MDM2: variants seen among roughly 807,000 people sequenced by gnomAD.
MDM2 encodes the protein MDM2 proto-oncogene.
In MDM2, 11 loss-of-function variants were observed where a neutral mutation model predicts 64.3. That is an observed-to-expected ratio of 0.17 (90% CI 0.11 to 0.28). The LOEUF (loss-of-function observed/expected upper bound fraction) is 0.28. Ranked by LOEUF, MDM2 falls within the 10% of genes least tolerant of loss-of-function variation. The pLI is 1.00. For synonymous variants in MDM2, 194 were observed against 192.9 expected (o/e 1.01, Z -0.05); for missense variants, 388 against 577.1 (o/e 0.67, Z 3.36).
chr12:68,834,785 A>G (rs1049929203), intron 8 of MDM2, among the ~76,000 whole-genome samples: 2 of 152,304 alleles, frequency 1.3e-5, no homozygotes, highest in South Asian at 2.1e-4. Flanking sequence ...TAAATTAGCT[A>G]CTTAGTGGCA....
chr12:68,846,986 T>G (rs1039346589), downstream of MDM2: 5 of 151,394 alleles, frequency 3.3e-5, no homozygotes, highest in Non-Finnish European at 5.9e-5. Flanking sequence ...CCTTGAAGTT[T>G]TTTATTTGTT....
intron 5 of MDM2, 59 bp from the exon 6 acceptor site, chr12:68,824,304 T>A: frequency 8.6e-7 from 1 of 1,168,342 alleles, no homozygotes. Context: ...ATCTACTGAG[T>A]AGCGCCCCGC....
At chr12:68,833,216 T>C (rs1248020581) in intron 8 of MDM2, among the ~76,000 whole-genome samples, 1 of 129,376 alleles carries the variant, frequency 7.7e-6, no homozygotes, top group Admixed American at 8.3e-5. Flanking sequence ...ATAAATCTAT[T>C]ATATATTAAT....
chr12:68,810,474 T>A (rs954832625), intron 2 of MDM2, among the ~76,000 whole-genome samples: 16 of 152,114 alleles, frequency 1.1e-4, no homozygotes, highest in East Asian at 1.9e-4. Context: ...TATTATTATT[T>A]TTTTTGAGGC....
intron 7 of MDM2, among the ~76,000 whole-genome samples, chr12:68,825,654 AAAGAG>A (rs1034323086): frequency 2.7e-5 from 4 of 147,834 alleles, no homozygotes; most frequent in African/African-American, 8.1e-5. Flanking sequence ...TGTCTAAAAA[AAAGAG>A]AGAGAGAGAA....
intron 4 of MDM2, among the ~76,000 whole-genome samples, chr12:68,819,570 C>T (rs1381389484): frequency 6.6e-6 from 1 of 152,228 alleles, no homozygotes; most frequent in Non-Finnish European, 1.5e-5. Context: ...TGGCTCACCG[C>T]AACCTCTGCC....
intron 5 of MDM2, among the ~76,000 whole-genome samples, chr12:68,820,825 T>C (rs1377634516): frequency 1.3e-5 from 2 of 152,148 alleles, no homozygotes; most frequent in Non-Finnish European, 2.9e-5. Context: ...TCTTAACTGG[T>C]TATTTTTGGG....
intron 10 of MDM2, 38 bp downstream of exon 10, chr12:68,836,787 C>A: frequency 7.5e-7 from 1 of 1,336,564 alleles, no homozygotes; most frequent in South Asian, 1.2e-5. Flanking sequence ...ATAAAAATTT[C>A]ATTAAGGTCA....
chr12:68,831,906 C>A (rs903634221), intron 8 of MDM2, among the ~76,000 whole-genome samples: 1 of 152,090 alleles, frequency 6.6e-6, no homozygotes. Flanking sequence ...CCCATCTCTA[C>A]TAAAAATACC....
At chr12:68,826,648 TAA>T (rs66535458) in intron 7 of MDM2, among the ~76,000 whole-genome samples, 1 of 129,538 alleles carries the variant, frequency 7.7e-6, no homozygotes, top group Non-Finnish European at 1.6e-5. Flanking sequence ...GACTCCCTCT[TAA>T]AAAAAAAAAA....
intron 2 of MDM2, among the ~76,000 whole-genome samples, chr12:68,811,817 G>C (rs1880923859): frequency 6.6e-6 from 1 of 152,036 alleles, no homozygotes; most frequent in African/African-American, 2.4e-5. Flanking sequence ...GTCCAGGCTG[G>C]TCTTGAACTT....
chr12:68,832,188 C>A (rs1882851266), intron 8 of MDM2, among the ~76,000 whole-genome samples: 1 of 152,044 alleles, frequency 6.6e-6, no homozygotes, highest in Non-Finnish European at 1.5e-5. Flanking sequence ...ATGTTGTAGT[C>A]ATCATTGGGT....
At chr12:68,815,439 T>C (rs992734869) in intron 3 of MDM2, among the ~76,000 whole-genome samples, 5 of 143,408 alleles carry the variant, frequency 3.5e-5, no homozygotes, top group African/African-American at 1.3e-4. Context: ...TCTTCTTTTT[T>C]TTTTTTTTTT....
chr12:68,830,005 G>T (rs1347694499), intron 8 of MDM2, among the ~76,000 whole-genome samples: 1 of 152,182 alleles, frequency 6.6e-6, no homozygotes, highest in Non-Finnish European at 1.5e-5. Context: ...CCATATGCCA[G>T]GATGGCTTTG....
At position 68,839,881 on chromosome 12, in the gene MDM2, T is replaced by C. The variant is rs1389861039; in HGVS notation, c.*32T>C. The C allele has an allele frequency of 1.9e-6, 3 of 1,573,190 alleles. No homozygotes were observed. Among genetic ancestry groups the C allele is most frequent in the Non-Finnish European group, 2.6e-6 (3 of 1,151,648 alleles). On this transcript the variant is annotated 3_prime_UTR_variant, in exon 11 of 11. Transcript: ENST00000258149. ...TGTCTATAAGAGAATTATATATTTC[T>C]AACTATATAACCCTAGGAATTTAGA...
downstream of MDM2, chr12:68,849,770 G>A (rs1345233320): frequency 6.6e-6 from 1 of 151,890 alleles, no homozygotes; most frequent in Non-Finnish European, 1.5e-5. Context: ...GAGCCACCAT[G>A]CCTGGCAAAT....
rs1380342107 is a variant in MDM2 at position 68,839,982 on chromosome 12, T to C, written c.*133T>C. 2.5e-6 allele frequency: 2 copies of C among 793,544 alleles called. No individual in the cohort carries two copies. The highest frequency in any genetic ancestry group is 3.1e-5 in the Admixed American group (1 of 32,688). The allele number at this position is 793,544 out of a possible 1,614,324, so 49.2% of individuals were successfully genotyped here. A position where few individuals can be genotyped will look rare whatever the true frequency, so the allele number is the denominator to read the frequency against. ...CATAGATTTCTTCTCTTTAGTATAA[T>C]TGACCTACTTTGGTAGTGGAATAGT... On this transcript the variant is annotated 3_prime_UTR_variant, in exon 11 of 11. Transcript: ENST00000258149.
chr12:68,833,149 A>AAAATATATATATATAT (rs1555187768), intron 8 of MDM2, among the ~76,000 whole-genome samples: 6 of 65,972 alleles, frequency 9.1e-5, no homozygotes, highest in African/African-American at 3.1e-4. Flanking sequence ...AAAAAAAAAA[A>AAAATATATATATATAT]ATATATATAT....
intron 5 of MDM2, among the ~76,000 whole-genome samples, chr12:68,821,134 G>T (rs1881811586): frequency 7.2e-6 from 1 of 138,156 alleles, no homozygotes; most frequent in South Asian, 2.4e-4. Context: ...TGCAACCTCC[G>T]CCTCCCAGGT....
Sources: gnomAD v4.1 joint callset for allele counts (sites outside exome capture counted in the v4.1 genomes callset) on GRCh38, gnomAD v4.1.1 for gene constraint, MANE v1.5 for transcripts, NCBI Gene and HGNC (gene_info 2026-07-23, HGNC 2026-07-21) for gene names.